NIBAN2: variants seen among roughly 807,000 people sequenced by gnomAD.
The protein encoded by NIBAN2 is protein Niban 2.
NIBAN2 carries 36 observed loss-of-function variants against 81.8 expected under a neutral mutation model. That is an observed-to-expected ratio of 0.44 (90% CI 0.34 to 0.58). The LOEUF is 0.58. Among genes scored for constraint, NIBAN2 ranks in the 20% least tolerant of loss-of-function variants. The pLI, the probability that NIBAN2 is intolerant of heterozygous loss-of-function variation, is 0.02. For missense variants in NIBAN2, 897 were observed against 1,014.1 expected (o/e 0.88, Z 1.57); for synonymous variants, 445 against 441.6 (o/e 1.01, Z -0.10).
rs199562144 is a variant in NIBAN2 at position 127,517,233 on chromosome 9, C to T, written c.706-17G>A. The T allele has an allele frequency of 7.5e-6, 12 of 1,608,894 alleles. No individual in the cohort carries two copies. The highest frequency in any genetic ancestry group is 1.0e-5 in the Non-Finnish European group (12 of 1,176,602). On this transcript the variant is annotated splice_polypyrimidine_tract_variant and intron_variant, in intron 6 of 13. Coordinates refer to ENST00000373312, the MANE Select transcript of NIBAN2 (RefSeq NM_022833.4). The surrounding 1 kb of genome is among the most constrained non-coding windows in gnomAD (Gnocchi z 4.0). ...GCTCAGGATCTAGGTTGAGGAGGCA[C>T]AAGCCAGGCCAGGGGCTGGAGAGCG...
intron 1 of NIBAN2, among the ~76,000 whole-genome samples, chr9:127,535,537 G>A (rs1332863020): frequency 2.0e-5 from 3 of 152,178 alleles, no homozygotes; most frequent in Non-Finnish European, 4.4e-5. Flanking sequence ...GTCAGGGTGG[G>A]AGCTGAAGGT....
chr9:127,529,828 G>T (rs894290131), intron 2 of NIBAN2, among the ~76,000 whole-genome samples: 2 of 152,028 alleles, frequency 1.3e-5, no homozygotes, highest in African/African-American at 4.8e-5. Context: ...ACTTTGCATT[G>T]TGATGATCGG....
At chr9:127,543,310 A>G (rs1211400264) in intron 1 of NIBAN2, among the ~76,000 whole-genome samples, 2 of 152,148 alleles carry the variant, frequency 1.3e-5, no homozygotes, top group Non-Finnish European at 2.9e-5. Context: ...AGACCCGGAC[A>G]ACAGCTGCAG....
chr9:127,546,382 G>C (rs1480708061), intron 1 of NIBAN2, among the ~76,000 whole-genome samples: 2 of 152,166 alleles, frequency 1.3e-5, no homozygotes, highest in African/African-American at 4.8e-5. Context: ...TGGGAACCCA[G>C]GGTGCTCTGC....
intron 1 of NIBAN2, among the ~76,000 whole-genome samples, chr9:127,556,412 A>G (rs1181741730): frequency 6.6e-6 from 1 of 152,058 alleles, no homozygotes; most frequent in Non-Finnish European, 1.5e-5. Context: ...TCATCCAGAG[A>G]GCTTTGGGAT....
chr9:127,515,724 C>T (rs1836817991), intron 8 of NIBAN2, among the ~76,000 whole-genome samples: 1 of 151,486 alleles, frequency 6.6e-6, no homozygotes, highest in South Asian at 2.1e-4. Context: ...GTAATCCCAG[C>T]TACTTGAGGG....
intron 1 of NIBAN2, among the ~76,000 whole-genome samples, chr9:127,534,124 G>A (rs1245929413): frequency 6.6e-6 from 1 of 152,218 alleles, no homozygotes; most frequent in East Asian, 1.9e-4. Context: ...GTGCTGGCCC[G>A]CTGTGCGGCT....
At chr9:127,525,227 G>T in intron 3 of NIBAN2, 64 bp from the exon 4 acceptor site, 2 of 1,260,120 alleles carry the variant, frequency 1.6e-6, no homozygotes, top group Middle Eastern at 1.9e-4. Context: ...ATCCCACCTG[G>T]CTTCAAGGCC....
chr9:127,519,286 G>A (rs930987130), intron 5 of NIBAN2, among the ~76,000 whole-genome samples: 4 of 150,844 alleles, frequency 2.7e-5, no homozygotes, highest in East Asian at 2.0e-4. Context: ...TGGCCCAAAC[G>A]CCAGCAAGGT....
chr9:127,542,569 A>G (rs924604537), intron 1 of NIBAN2, among the ~76,000 whole-genome samples: 1 of 152,246 alleles, frequency 6.6e-6, no homozygotes, highest in Non-Finnish European at 1.5e-5. Context: ...GGAGGCTGAC[A>G]TCGGAGCAGG....
intron 2 of NIBAN2, among the ~76,000 whole-genome samples, chr9:127,530,565 A>G (rs897587760): frequency 1.3e-5 from 2 of 152,078 alleles, no homozygotes; most frequent in African/African-American, 4.8e-5. Flanking sequence ...CTCAGGCTGG[A>G]GCCAGGCAGC....
intron 1 of NIBAN2, among the ~76,000 whole-genome samples, chr9:127,565,028 CTAAATTGTTTG>C (rs1837835265): frequency 6.6e-6 from 1 of 152,148 alleles, no homozygotes; most frequent in African/African-American, 2.4e-5. Context: ...TTTTACCCTC[CTAAATTGTTTG>C]TACATGTGTT....
At chr9:127,575,927 A>G (rs1361569455) in intron 1 of NIBAN2, among the ~76,000 whole-genome samples, 1 of 151,862 alleles carries the variant, frequency 6.6e-6, no homozygotes, top group Non-Finnish European at 1.5e-5. Flanking sequence ...ACATTTCTGC[A>G]CCCTGCCCCC....
At chr9:127,558,999 A>G (rs1837725472) in intron 1 of NIBAN2, among the ~76,000 whole-genome samples, 1 of 152,212 alleles carries the variant, frequency 6.6e-6, no homozygotes. Context: ...CGAAGGCCAC[A>G]CAGCTTTCAG....
intron 1 of NIBAN2, 68 bp from the exon 2 acceptor site, chr9:127,531,846 AGG>A: frequency 6.3e-7 from 1 of 1,592,072 alleles, no homozygotes; most frequent in Non-Finnish European, 8.6e-7. Flanking sequence ...TCCTTCCCCT[AGG>A]CAGGAGTGGC....
chr9:127,538,420 G>C (rs534324853), intron 1 of NIBAN2, among the ~76,000 whole-genome samples: 1 of 152,068 alleles, frequency 6.6e-6, no homozygotes, highest in Admixed American at 6.6e-5. Flanking sequence ...TAAACACAGC[G>C]GCTGCCACCC....
chr9:127,506,522 T>G lies in NIBAN2; in HGVS notation c.*323A>C. 2 of 248,768 alleles carry G rather than the reference T, an allele frequency of 8.0e-6. No homozygotes were observed. The highest frequency in any genetic ancestry group is 7.7e-6 in the Non-Finnish European group (1 of 129,938). 15.4% of individuals were successfully genotyped at this position (248,768 alleles called of 1,614,324 possible). A position where few individuals can be genotyped will look rare whatever the true frequency, so the allele number is the denominator to read the frequency against. On this transcript the variant is annotated 3_prime_UTR_variant, in exon 14 of 14. Transcript: ENST00000373312. ...TCTCCAGGAAGGATGGCAGCACCCA[T>G]GAGGGGATGGAGGCCACAGAAGGAC...
Position 127,508,325 on chromosome 9 carries a change from C to T in NIBAN2, c.1434+97G>A, listed in dbSNP as rs1272336127. 1.5e-6 allele frequency: 2 copies of T among 1,345,370 alleles called. No homozygotes were observed. Among genetic ancestry groups the T allele is most frequent in the Non-Finnish European group, 2.1e-6 (2 of 948,018 alleles). 83.3% of individuals were successfully genotyped at this position (1,345,370 alleles called of 1,614,324 possible). ...CATCCGCACAAGAGGACCATGGCGCCTCCTTGCAGGGACAGCAATCCTGGT... is the reference window on the plus strand; with the variant it reads ...CATCCGCACAAGAGGACCATGGCGCTTCCTTGCAGGGACAGCAATCCTGGT... On this transcript the variant is annotated intron_variant, in intron 11 of 13. Coordinates refer to ENST00000373312, the MANE Select transcript of NIBAN2 (RefSeq NM_022833.4). This position sits in a 1 kb window ranked among gnomAD's most constrained non-coding sequence, Gnocchi z 6.4.
At chr9:127,524,334 C>T (rs528174033) in intron 4 of NIBAN2, among the ~76,000 whole-genome samples, 3 of 152,254 alleles carry the variant, frequency 2.0e-5, no homozygotes, top group East Asian at 1.9e-4. Context: ...TAAGATCCAG[C>T]GAGATAACTG....
Sources: gnomAD v4.1 joint callset for allele counts (sites outside exome capture counted in the v4.1 genomes callset) on GRCh38, gnomAD v4.1.1 for gene constraint, Gnocchi (gnomAD v3.1) non-coding constraint, MANE v1.5 for transcripts, NCBI Gene and HGNC (gene_info 2026-07-23, HGNC 2026-07-21) for gene names.